The following ERBB4 variants were observed in gnomAD, a reference collection of about 807,000 sequenced individuals.
ERBB4 encodes receptor tyrosine-protein kinase erbB-4.
ERBB4 carries 42 observed loss-of-function variants against 158.0 expected under a neutral mutation model. The observed-to-expected ratio is 0.27, with a 90% CI of 0.21 to 0.34. The LOEUF (loss-of-function observed/expected upper bound fraction) is 0.34. ERBB4 is among the 10% of genes least tolerant of loss of function. The probability of loss-of-function intolerance (pLI) is 1.00; values close to 1 mark genes in which losing one functional copy is unlikely to be tolerated. For missense variants in ERBB4, 1,333 were observed against 1,624.1 expected (o/e 0.82, Z 3.08); for synonymous variants, 583 against 558.7 (o/e 1.04, Z -0.61).
At chr2:212,438,113 G>C (rs1206144969) in intron 1 of ERBB4, among the ~76,000 whole-genome samples, 1 of 151,844 alleles carries the variant, frequency 6.6e-6, no homozygotes, top group Non-Finnish European at 1.5e-5. Context: ...TTCTAGACTA[G>C]TGCTCATAAT....
rs2062597392 is a variant in ERBB4, at chr2:211,382,925, G to A, written c.*690C>T. Reference sequence around the variant, plus strand: ...AATTAGAAATTAAAGCCAAAAATAGGGGAGCAAATATAAAGGAATCGGTCA... The same window carrying A: ...AATTAGAAATTAAAGCCAAAAATAGAGGAGCAAATATAAAGGAATCGGTCA... On this transcript the variant is annotated 3_prime_UTR_variant, in exon 28 of 28. Transcript: ENST00000342788. 1 of 232,332 alleles carries A rather than the reference G, an allele frequency of 4.3e-6. No individual in the cohort carries two copies. Among genetic ancestry groups the A allele is most frequent in the South Asian group, 1.8e-4 (1 of 5,512 alleles). The allele number at this position is 232,332 out of a possible 1,614,324, so 14.4% of individuals were successfully genotyped here. A position where few individuals can be genotyped will look rare whatever the true frequency, so the allele number is the denominator to read the frequency against.
chr2:211,505,746 G>A (rs1177145044), intron 20 of ERBB4, among the ~76,000 whole-genome samples: 1 of 152,108 alleles, frequency 6.6e-6, no homozygotes, highest in Non-Finnish European at 1.5e-5. Flanking sequence ...GGATCACGAG[G>A]TCAGGAGATC....
intron 1 of ERBB4, among the ~76,000 whole-genome samples, chr2:212,425,404 ATATATG>A (rs2091890254): frequency 6.7e-6 from 1 of 149,104 alleles, no homozygotes; most frequent in African/African-American, 2.4e-5. Flanking sequence ...ATGTATACAT[ATATATG>A]TATATACACA....
At chr2:211,603,739 C>T (rs551420287) in intron 19 of ERBB4, among the ~76,000 whole-genome samples, 15 of 152,268 alleles carry the variant, frequency 9.9e-5, no homozygotes, top group South Asian at 2.1e-4. Context: ...TGGGCACAAT[C>T]CCAAAAGAGG....
intron 7 of ERBB4, among the ~76,000 whole-genome samples, chr2:211,715,642 G>C (rs1217636951): frequency 1.3e-5 from 2 of 152,078 alleles, no homozygotes; most frequent in Non-Finnish European, 2.9e-5. Flanking sequence ...GAGTGAGTTA[G>C]CATGAGATCT....
At chr2:212,124,205 C>T (rs892419704) in intron 2 of ERBB4, among the ~76,000 whole-genome samples, 2 of 152,208 alleles carry the variant, frequency 1.3e-5, no homozygotes, top group African/African-American at 2.4e-5. Context: ...TACATATACA[C>T]ATTTGTGTTC....
At chr2:211,894,058 TG>T (rs1331331673) in intron 3 of ERBB4, among the ~76,000 whole-genome samples, 10 of 139,472 alleles carry the variant, frequency 7.2e-5, no homozygotes, top group Non-Finnish European at 1.2e-4. Context: ...ATCCCATTAC[TG>T]GGTATATACC....
At chr2:212,162,692 G>C (rs2081237134) in intron 1 of ERBB4, among the ~76,000 whole-genome samples, 1 of 151,822 alleles carries the variant, frequency 6.6e-6, no homozygotes, top group African/African-American at 2.4e-5. Context: ...CAGGATAATG[G>C]TTAGAGGGCA....
At chr2:211,573,668 T>G (rs1432474393) in intron 19 of ERBB4, among the ~76,000 whole-genome samples, 1 of 148,282 alleles carries the variant, frequency 6.7e-6, no homozygotes, top group African/African-American at 2.5e-5. Flanking sequence ...AGACTCCGTC[T>G]CAAAAAAATA....
intron 20 of ERBB4, among the ~76,000 whole-genome samples, chr2:211,460,156 A>G (rs922404992): frequency 2.6e-5 from 4 of 152,170 alleles, no homozygotes; most frequent in Non-Finnish European, 5.9e-5. Flanking sequence ...ATAAATAATT[A>G]CTTTGCAAAA....
intron 2 of ERBB4, among the ~76,000 whole-genome samples, chr2:212,114,832 C>G (rs1575654016): frequency 6.6e-6 from 1 of 152,044 alleles, no homozygotes; most frequent in East Asian, 1.9e-4. Context: ...TCCAAAAAAG[C>G]TTTGTAAAAA....
chr2:212,465,098 A>G (rs1446649280), intron 1 of ERBB4, among the ~76,000 whole-genome samples: 1 of 152,124 alleles, frequency 6.6e-6, no homozygotes, highest in Non-Finnish European at 1.5e-5. Context: ...GAATTACAAT[A>G]TTGAAGAATT....
chr2:211,414,889 TA>T (rs894058175), intron 25 of ERBB4, among the ~76,000 whole-genome samples: 62 of 152,194 alleles, frequency 4.1e-4, no homozygotes, highest in African/African-American at 1.5e-3. Context: ...TTTAAACTCT[TA>T]AAATTGGACT....
At chr2:211,484,710 A>G (rs895768419) in intron 20 of ERBB4, among the ~76,000 whole-genome samples, 11 of 152,214 alleles carry the variant, frequency 7.2e-5, no homozygotes, top group Non-Finnish European at 1.5e-5. Flanking sequence ...AAATATTTAA[A>G]CCAAGAGTGA....
chr2:212,207,805 C>T (rs534825274), intron 1 of ERBB4, among the ~76,000 whole-genome samples: 1 of 152,168 alleles, frequency 6.6e-6, no homozygotes, highest in South Asian at 2.1e-4. Context: ...TATAGTAGGT[C>T]ATTTACTTAA....
chr2:211,772,866 TATACACATATATATATATAC>T (rs2075741084), intron 4 of ERBB4, among the ~76,000 whole-genome samples: 2 of 72,190 alleles, frequency 2.8e-5, no homozygotes, highest in South Asian at 6.8e-4. Flanking sequence ...TATATATATA[TATACACATATATATATATAC>T]ACACACACAC....
intron 1 of ERBB4, among the ~76,000 whole-genome samples, chr2:212,383,084 C>T (rs1014548330): frequency 3.3e-5 from 5 of 150,964 alleles, no homozygotes; most frequent in African/African-American, 1.2e-4. Context: ...GAGTCTTTAC[C>T]CATTCAGATA....
At chr2:212,066,749 G>A (rs931765119) in intron 2 of ERBB4, among the ~76,000 whole-genome samples, 5 of 151,742 alleles carry the variant, frequency 3.3e-5, no homozygotes, top group East Asian at 1.9e-4. Flanking sequence ...TTAATCTAAC[G>A]CGTTTCTAAA....
intron 20 of ERBB4, among the ~76,000 whole-genome samples, chr2:211,480,101 C>A (rs762327026): frequency 2.6e-5 from 4 of 152,022 alleles, no homozygotes; most frequent in African/African-American, 4.8e-5. Flanking sequence ...CTGACTTAAC[C>A]CTTTATTTCT....
Sources: gnomAD v4.1 joint callset for allele counts (sites outside exome capture counted in the v4.1 genomes callset) on GRCh38, gnomAD v4.1.1 for gene constraint, MANE v1.5 for transcripts, NCBI Gene and HGNC (gene_info 2026-07-23, HGNC 2026-07-21) for gene names.